RSRC1: variants seen among roughly 807,000 people sequenced by gnomAD.
RSRC1 encodes serine/Arginine-related protein 53.
A neutral mutation model predicts 49.1 loss-of-function variants in RSRC1; 39 were observed. That is an observed-to-expected ratio of 0.79 (90% CI 0.61 to 1.04). The LOEUF is 1.04. Among genes scored for constraint, RSRC1 ranks in the 50% least tolerant of loss-of-function variants. The pLI is 0.00. For missense variants in RSRC1, 388 were observed against 402.4 expected, an observed-to-expected ratio of 0.96 and a Z score of 0.31; for synonymous variants, 143 against 130.8, an observed-to-expected ratio of 1.09 and a Z score of -0.63.
At chr3:158,267,706 G>C (rs1193213839) in intron 4 of RSRC1, among the ~76,000 whole-genome samples, 2 of 151,314 alleles carry the variant, frequency 1.3e-5, no homozygotes, top group African/African-American at 4.9e-5. Flanking sequence ...CCATATCTCT[G>C]ATGAGATTTC....
Position 158,229,041 on chromosome 3 carries a change from C to CACACATACGTGTATATGTGTGTATAA in RSRC1, c.494+25801_494+25826dup, listed in dbSNP as rs1237324390. ...ACATACGTGTATATGTGTGTATAAA[C>CACACATACGTGTATATGTGTGTATAA]ACACATACGTGTATATGTGTGTATA... On this transcript the variant is annotated intron_variant, in intron 4 of 9. Coordinates refer to ENST00000611884, the MANE Select transcript of RSRC1 (RefSeq NM_001271838.2). Among the ~76,000 whole-genome samples, 55 of 25,050 alleles carry CACACATACGTGTATATGTGTGTATAA rather than the reference C, an allele frequency of 2.2e-3. 17 individuals carry two copies. Among genetic ancestry groups the CACACATACGTGTATATGTGTGTATAA allele is most frequent in the Non-Finnish European group, 4.2e-3 (44 of 10,540 alleles). 16.4% of individuals were successfully genotyped at this position (25,050 alleles called of 152,430 possible).
At chr3:158,116,131 A>G (rs1298288009) in intron 1 of RSRC1, among the ~76,000 whole-genome samples, 1 of 152,220 alleles carries the variant, frequency 6.6e-6, no homozygotes, top group Non-Finnish European at 1.5e-5. Flanking sequence ...GTTTTTAAGT[A>G]TTCAGAAGCT....
At chr3:158,290,700 T>C (rs917557895) in intron 4 of RSRC1, among the ~76,000 whole-genome samples, 3 of 152,226 alleles carry the variant, frequency 2.0e-5, no homozygotes, top group African/African-American at 7.2e-5. Context: ...AATGTAGATA[T>C]GTAATAATGT....
At chr3:158,224,123 A>C (rs1198781440) in intron 4 of RSRC1, among the ~76,000 whole-genome samples, 2 of 151,776 alleles carry the variant, frequency 1.3e-5, no homozygotes, top group African/African-American at 4.8e-5. Flanking sequence ...TTGATGCATA[A>C]ATGGTACTGA....
chr3:158,305,124 A>G (rs1727765819), intron 5 of RSRC1, among the ~76,000 whole-genome samples: 1 of 152,096 alleles, frequency 6.6e-6, no homozygotes, highest in South Asian at 2.1e-4. Flanking sequence ...AGTCATTCAA[A>G]TAGCATGAAC....
intron 4 of RSRC1, among the ~76,000 whole-genome samples, chr3:158,241,675 A>G (rs1038344716): frequency 1.3e-5 from 2 of 152,080 alleles, no homozygotes; most frequent in East Asian, 1.9e-4. Flanking sequence ...ATTTGCAATA[A>G]AAGATTTAGT....
chr3:158,189,891 C>T (rs572905812), intron 3 of RSRC1, among the ~76,000 whole-genome samples: 1 of 151,778 alleles, frequency 6.6e-6, no homozygotes, highest in Non-Finnish European at 1.5e-5. Flanking sequence ...ATTTTAATTA[C>T]ACCTTCAGTG....
intron 6 of RSRC1, 163 bp downstream of exon 6, chr3:158,355,071 T>C (rs1443845814): frequency 5.2e-5 from 24 of 460,174 alleles, no homozygotes; most frequent in Non-Finnish European, 8.1e-5. Context: ...TCTGAAATAT[T>C]TATTGCCGCA....
At chr3:158,533,238 C>T (rs566919711) in intron 7 of RSRC1, among the ~76,000 whole-genome samples, 84 of 151,646 alleles carry the variant, frequency 5.5e-4, no homozygotes, top group Non-Finnish European at 1.0e-3. Flanking sequence ...ATTTAACATG[C>T]GTTTACAACC....
chr3:158,214,071 ACTATT>A (rs1387754782), intron 4 of RSRC1, among the ~76,000 whole-genome samples: 49 of 151,992 alleles, frequency 3.2e-4, no homozygotes, highest in African/African-American at 1.2e-3. Context: ...GTACAGTATA[ACTATT>A]TACATAGCAT....
intron 6 of RSRC1, among the ~76,000 whole-genome samples, chr3:158,449,675 G>T (rs1736911872): frequency 6.6e-6 from 1 of 151,946 alleles, no homozygotes; most frequent in South Asian, 2.1e-4. Context: ...TGCACAACGT[G>T]CAAGTTTGTT....
intron 3 of RSRC1, among the ~76,000 whole-genome samples, chr3:158,199,060 C>T (rs1209651650): frequency 2.0e-5 from 3 of 152,130 alleles, no homozygotes; most frequent in East Asian, 3.9e-4. Flanking sequence ...ATGATTGAAT[C>T]ATCAGGGAGG....
At chr3:158,210,118 C>T (rs1222830090) in intron 4 of RSRC1, among the ~76,000 whole-genome samples, 1 of 152,038 alleles carries the variant, frequency 6.6e-6, no homozygotes, top group Non-Finnish European at 1.5e-5. Context: ...GTTATTTATA[C>T]AGCAGGAAGT....
At chr3:158,323,594 A>G (rs556683555) in intron 5 of RSRC1, among the ~76,000 whole-genome samples, 3 of 152,282 alleles carry the variant, frequency 2.0e-5, no homozygotes, top group Admixed American at 6.5e-5. Context: ...AACCAAGTCT[A>G]CCACCTCTGG....
At position 158,543,344 on chromosome 3, in the gene RSRC1, C is replaced by A. The variant is rs755377618; in HGVS notation, c.769C>A (p.Pro257Thr). ...GTGTTGTTTCTTTCAGTCAGTGGAA[C>A]CTAGTGAAGTGAAACAAGCAACTTC... ...SSKEVKKSVE[P>T]SEVKQATSTS... Residue 257 changes from proline (P) to threonine (T), a missense_variant, in exon 9 of 10, where the codon CCT becomes ACT. Transcript: ENST00000611884. The A allele has an allele frequency of 6.4e-7, 1 of 1,572,220 alleles. No homozygotes were observed. Among genetic ancestry groups the A allele is most frequent in the Non-Finnish European group, 8.6e-7 (1 of 1,163,214 alleles).
At chr3:158,482,836 T>C (rs920026435) in intron 7 of RSRC1, among the ~76,000 whole-genome samples, 4 of 152,044 alleles carry the variant, frequency 2.6e-5, no homozygotes, top group African/African-American at 9.7e-5. Flanking sequence ...TTATTTTTAT[T>C]GTAATTGTAT....
At chr3:158,490,803 T>C (rs761878290) in intron 7 of RSRC1, among the ~76,000 whole-genome samples, 5 of 152,198 alleles carry the variant, frequency 3.3e-5, no homozygotes, top group Non-Finnish European at 7.3e-5. Flanking sequence ...TGCTGAATGA[T>C]CTTGATTAGT....
At chr3:158,392,955 C>T (rs566595505) in intron 6 of RSRC1, among the ~76,000 whole-genome samples, 1 of 151,894 alleles carries the variant, frequency 6.6e-6, no homozygotes, top group Non-Finnish European at 1.5e-5. Context: ...TCAAAAATAC[C>T]AAAATCATGC....
intron 3 of RSRC1, among the ~76,000 whole-genome samples, chr3:158,173,680 T>C (rs1230383342): frequency 1.3e-5 from 2 of 151,964 alleles, no homozygotes; most frequent in African/African-American, 4.8e-5. Flanking sequence ...AGCAGCATTA[T>C]TTATAATAGC....
Sources: gnomAD v4.1 joint callset for allele counts (sites outside exome capture counted in the v4.1 genomes callset) on GRCh38, gnomAD v4.1.1 for gene constraint, MANE v1.5 for transcripts, NCBI Gene and HGNC (gene_info 2026-07-23, HGNC 2026-07-21) for gene names.